ROBO2: variants seen among roughly 807,000 people sequenced by gnomAD.
The protein encoded by ROBO2 is roundabout homolog 2.
ROBO2 carries 53 observed loss-of-function variants against 160.8 expected under a neutral mutation model. The ratio of observed to expected loss-of-function variants is 0.33; its 90% CI spans 0.26 to 0.41. The LOEUF (loss-of-function observed/expected upper bound fraction) is 0.41. ROBO2 is among the 10% of genes least tolerant of loss of function. ROBO2 has a pLI of 1.00. For synonymous variants in ROBO2, 664 were observed against 611.7 expected (o/e 1.09, Z -1.26); for missense variants, 1,577 against 1,722.4 (o/e 0.92, Z 1.49).
intron 2 of ROBO2, among the ~76,000 whole-genome samples, chr3:77,293,490 A>C (rs1181344728): frequency 6.7e-6 from 1 of 148,254 alleles, no homozygotes. Context: ...CTGAGGCTAG[A>C]TCACCCCAGA....
At chr3:77,108,840 A>C (rs866972819) in intron 2 of ROBO2, among the ~76,000 whole-genome samples, 3 of 152,000 alleles carry the variant, frequency 2.0e-5, no homozygotes, top group Non-Finnish European at 4.4e-5. Flanking sequence ...AGATAATTTA[A>C]ATAGCGAGGT....
intron 2 of ROBO2, among the ~76,000 whole-genome samples, chr3:76,986,103 C>T (rs931908695): frequency 6.6e-6 from 1 of 152,082 alleles, no homozygotes; most frequent in Non-Finnish European, 1.5e-5. Context: ...TGTATTTTGG[C>T]ACTGTTTCAT....
At chr3:77,075,682 T>C (rs2067912819) in intron 1 of ROBO2, among the ~76,000 whole-genome samples, 1 of 130,774 alleles carries the variant, frequency 7.6e-6, no homozygotes, top group Non-Finnish European at 1.6e-5. Context: ...CTTTTTTTTT[T>C]TTTTTTTTTT....
At chr3:77,522,974 A>G (rs2090767579) in intron 6 of ROBO2, 72 bp downstream of exon 6, 3 of 1,557,730 alleles carry the variant, frequency 1.9e-6, no homozygotes, top group Non-Finnish European at 2.7e-6. Flanking sequence ...AAGTGAACTT[A>G]CGATCAAAAT....
chr3:76,708,226 T>G (rs1242414369), intron 2 of ROBO2, among the ~76,000 whole-genome samples: 1 of 152,202 alleles, frequency 6.6e-6, no homozygotes, highest in Admixed American at 6.5e-5. Context: ...AAATATTTTC[T>G]CTATACTTCT....
At chr3:76,807,781 A>T (rs1252918439) in intron 2 of ROBO2, among the ~76,000 whole-genome samples, 1 of 152,080 alleles carries the variant, frequency 6.6e-6, no homozygotes, top group East Asian at 1.9e-4. Context: ...TTCTAAAGAG[A>T]TGTTGACTGC....
At chr3:77,411,881 A>G (rs182549769) in intron 2 of ROBO2, among the ~76,000 whole-genome samples, 21 of 152,300 alleles carry the variant, frequency 1.4e-4, no homozygotes, top group Admixed American at 1.2e-3. Flanking sequence ...AAATATTCTC[A>G]TCCTTTATTG....
chr3:77,099,968 T>C (rs967636439), intron 2 of ROBO2, among the ~76,000 whole-genome samples: 4 of 152,094 alleles, frequency 2.6e-5, no homozygotes, highest in Admixed American at 2.0e-4. Context: ...ATTTTAATTT[T>C]TCATTTTTAA....
At chr3:76,729,282 T>G (rs2107817606) in intron 2 of ROBO2, among the ~76,000 whole-genome samples, 1 of 152,216 alleles carries the variant, frequency 6.6e-6, no homozygotes, top group South Asian at 2.1e-4. Context: ...CAAGGTTTTC[T>G]AATTGTTTTC....
At chr3:77,433,038 C>T (rs945428674) in intron 2 of ROBO2, among the ~76,000 whole-genome samples, 3 of 152,118 alleles carry the variant, frequency 2.0e-5, no homozygotes, top group East Asian at 1.9e-4. Flanking sequence ...GCCTTATTGT[C>T]GGATGACAAT....
chr3:76,480,776 T>C (rs2079166597), intron 2 of ROBO2, among the ~76,000 whole-genome samples: 1 of 152,156 alleles, frequency 6.6e-6, no homozygotes, highest in Non-Finnish European at 1.5e-5. Flanking sequence ...ATACATATTT[T>C]GGGTGGACCC....
chr3:76,181,698 C>A (rs1701511724), intron 2 of ROBO2, among the ~76,000 whole-genome samples: 1 of 152,028 alleles, frequency 6.6e-6, no homozygotes, highest in Non-Finnish European at 1.5e-5. Flanking sequence ...ATAGTCATTT[C>A]CTCATTTTCT....
intron 2 of ROBO2, among the ~76,000 whole-genome samples, chr3:76,431,256 T>C (rs146836605): frequency 6.6e-5 from 10 of 152,210 alleles, no homozygotes; most frequent in African/African-American, 1.9e-4. Context: ...TCAAAGTTAA[T>C]TTAAAAATAT....
intron 2 of ROBO2, among the ~76,000 whole-genome samples, chr3:76,667,693 G>T (rs1560339490): frequency 6.6e-6 from 1 of 151,480 alleles, no homozygotes; most frequent in African/African-American, 2.4e-5. Flanking sequence ...GCTATTTTTA[G>T]CAGTGATCAG....
rs1553651250 is a variant in ROBO2, at chr3:76,834,062, T to TTTTCTTCC, written c.110-263946_110-263945insCCTTTCTT. The stretch of plus-strand genomic sequence containing the variant: ...TTCCTTTCTTTCTCTCCTTTCTTTC[T>TTTTCTTCC]TTTCTTTCTTTCTTTCTTTCTTTCT... On this transcript the variant is annotated intron_variant, in intron 2 of 26. Coordinates refer to the ROBO2 transcript ENST00000487694. 6.4e-4 allele frequency among the ~76,000 whole-genome samples: 56 copies of TTTTCTTCC among 88,012 alleles called. 2 individuals carry two copies. The highest frequency in any genetic ancestry group is 1.1e-3 in the Non-Finnish European group (50 of 45,602). 57.7% of individuals were successfully genotyped at this position (88,012 alleles called of 152,430 possible). A position where few individuals can be genotyped will look rare whatever the true frequency, so the allele number is the denominator to read the frequency against.
chr3:76,674,929 A>C (rs572304070), intron 2 of ROBO2, among the ~76,000 whole-genome samples: 257 of 149,880 alleles, frequency 1.7e-3, no homozygotes, highest in African/African-American at 5.9e-3. Flanking sequence ...GCAAAAAAAA[A>C]CCCACACATG....
intron 2 of ROBO2, among the ~76,000 whole-genome samples, chr3:76,491,833 G>A (rs1242431737): frequency 2.0e-5 from 3 of 152,112 alleles, no homozygotes; most frequent in Non-Finnish European, 4.4e-5. Context: ...GGTGGCCCAC[G>A]CCTGTAATCC....
intron 2 of ROBO2, among the ~76,000 whole-genome samples, chr3:76,748,798 G>A (rs1414951967): frequency 6.6e-6 from 1 of 151,798 alleles, no homozygotes; most frequent in African/African-American, 2.4e-5. Context: ...TGTTTAAAAT[G>A]TACATATTCT....
chr3:76,449,616 G>T (rs957395688), intron 2 of ROBO2, among the ~76,000 whole-genome samples: 20 of 152,136 alleles, frequency 1.3e-4, no homozygotes, highest in African/African-American at 4.8e-4. Context: ...CCTGCAGTTA[G>T]AATTGTATAC....
Sources: gnomAD v4.1 joint callset for allele counts (sites outside exome capture counted in the v4.1 genomes callset) on GRCh38, gnomAD v4.1.1 for gene constraint, MANE v1.5 for transcripts, NCBI Gene and HGNC (gene_info 2026-07-23, HGNC 2026-07-21) for gene names.